ZFHX3: variants seen among roughly 807,000 people sequenced by gnomAD.
ZFHX3 encodes the protein zinc finger homeobox protein 3.
In ZFHX3, 42 loss-of-function variants were observed where a neutral mutation model predicts 279.1. The observed-to-expected ratio is 0.15, with a 90% CI of 0.12 to 0.19. The LOEUF (loss-of-function observed/expected upper bound fraction) is 0.19. Among genes scored for constraint, ZFHX3 ranks in the 10% least tolerant of loss-of-function variants. ZFHX3 has a pLI of 1.00. For missense variants in ZFHX3, 4,981 were observed against 4,754.0 expected (o/e 1.05, Z -1.40); for synonymous variants, 2,293 against 1,957.8 (o/e 1.17, Z -4.52).
At chr16:73,467,262 A>T (rs1229672178) in intron 2 of ZFHX3, among the ~76,000 whole-genome samples, 9 of 152,112 alleles carry the variant, frequency 5.9e-5, no homozygotes, top group Admixed American at 2.0e-4. Context: ...TGGAAGCAAG[A>T]TAGCTCCAAA....
rs79037957 is a variant in ZFHX3 at position 72,797,212 on chromosome 16, G to A, written c.5470C>T (p.Leu1824=). The A allele has an allele frequency of 8.1e-6, 13 of 1,613,894 alleles. No individual in the cohort carries two copies. Among genetic ancestry groups the A allele is most frequent in the Admixed American group, 1.7e-5 (1 of 59,998 alleles). The part of the protein sequence containing the change: ...SLPVTSGALT[L]TGTGPGLLED... ...AGCAGGCCTGGGCCTGTCCCAGTCA[G>A]TGTCAGTGCCCCACTGGTCACTGGC... Residue 1824 remains leucine (L), a synonymous_variant, in exon 9 of 10, where the codon CTG becomes TTG. Coordinates refer to ENST00000268489, the MANE Select transcript of ZFHX3 (RefSeq NM_006885.4).
chr16:73,521,728 T>C (rs1449148519), intron 2 of ZFHX3, among the ~76,000 whole-genome samples: 1 of 151,944 alleles, frequency 6.6e-6, no homozygotes, highest in Non-Finnish European at 1.5e-5. Context: ...ATTTTTTATA[T>C]AGTAGCATTT....
chr16:73,104,819 C>G (rs1219115389), intron 7 of ZFHX3, among the ~76,000 whole-genome samples: 1 of 152,192 alleles, frequency 6.6e-6, no homozygotes, highest in East Asian at 1.9e-4. Flanking sequence ...CTCCTTCAAC[C>G]CCACCATTCT....
At chr16:73,194,906 C>G (rs552799993) in intron 5 of ZFHX3, among the ~76,000 whole-genome samples, 1 of 152,282 alleles carries the variant, frequency 6.6e-6, no homozygotes, top group Non-Finnish European at 1.5e-5. Context: ...ATGAAGAACT[C>G]TCTTAAGTAT....
intron 1 of ZFHX3, among the ~76,000 whole-genome samples, chr16:73,821,743 T>A (rs1259507070): frequency 6.6e-6 from 1 of 152,116 alleles, no homozygotes; most frequent in Non-Finnish European, 1.5e-5. Context: ...AACACATGCA[T>A]CCCTCCTGCA....
chr16:73,587,513 G>T (rs1244339234), intron 2 of ZFHX3, among the ~76,000 whole-genome samples: 1 of 152,108 alleles, frequency 6.6e-6, no homozygotes, highest in East Asian at 1.9e-4. Flanking sequence ...ACCCGCGTTG[G>T]CTGTTACCAG....
chr16:72,900,671 A>G (rs2039012074), intron 3 of ZFHX3, among the ~76,000 whole-genome samples: 1 of 152,172 alleles, frequency 6.6e-6, no homozygotes. Flanking sequence ...TTGAGCGTGC[A>G]TCGGAAGCAC....
In ZFHX3 at chr16:73,574,353, C is replaced by A. The variant is rs148215333; in HGVS notation, c.-1547+105827G>T. ...TTTGTATCATTTCTTGGGCCCCCCC[C>A]AGCATCCACTGAATCAGAGCCTACT... On this transcript the variant is annotated intron_variant, in intron 2 of 17. Transcript: ENST00000641206. Among the ~76,000 whole-genome samples the A allele has an allele frequency of 6.4e-3, 982 of 152,264 alleles. 14 individuals are homozygous for A. Among genetic ancestry groups the A allele is most frequent in the African/African-American group, 0.022 (928 of 41,538 alleles).
chr16:73,057,695 GCA>G (rs2144737252), intron 1 of ZFHX3, among the ~76,000 whole-genome samples: 1 of 151,866 alleles, frequency 6.6e-6, no homozygotes, highest in African/African-American at 2.4e-5. Context: ...AGTGTCCAGG[GCA>G]GAGTCCCCTC....
rs563671322 is a variant in ZFHX3, at chr16:72,944,482, C to T, written c.3216+5987G>A. Among the ~76,000 whole-genome samples, 8 of 152,274 alleles carry T rather than the reference C, an allele frequency of 5.3e-5. No individual in the cohort carries two copies. The South Asian group carries it at 1.0e-3, about 20-fold the overall frequency. On this transcript the variant is annotated intron_variant, in intron 3 of 9. Transcript: ENST00000268489. ...GTAAAGTCAGAAAGTAGACAAAAGA[C>T]ATCCACTTTAAAAATCATTGGAAAA...
At chr16:73,220,903 G>A (rs958469179) in intron 5 of ZFHX3, among the ~76,000 whole-genome samples, 43 of 152,174 alleles carry the variant, frequency 2.8e-4, no homozygotes, top group Non-Finnish European at 6.2e-4. Context: ...GGCGATGGAT[G>A]TTTTTGTGCA....
intron 4 of ZFHX3, among the ~76,000 whole-genome samples, chr16:72,875,741 C>T (rs760330612): frequency 1.3e-5 from 2 of 152,304 alleles, no homozygotes; most frequent in East Asian, 1.9e-4. Context: ...CTGCTTAAAG[C>T]GATGTCTAAA....
chr16:73,720,444 A>T (rs2053463600), intron 1 of ZFHX3, among the ~76,000 whole-genome samples: 2 of 152,260 alleles, frequency 1.3e-5, no homozygotes, highest in Admixed American at 6.5e-5. Flanking sequence ...GCTAACTGTT[A>T]AATGGTGACA....
chr16:72,844,558 G>A (rs959092483), intron 4 of ZFHX3, among the ~76,000 whole-genome samples: 1 of 152,010 alleles, frequency 6.6e-6, no homozygotes, highest in African/African-American at 2.4e-5. Flanking sequence ...AACACACTGG[G>A]GCTCAGGAGT....
chr16:73,228,652 G>T (rs1382456920), intron 5 of ZFHX3, among the ~76,000 whole-genome samples: 1 of 152,170 alleles, frequency 6.6e-6, no homozygotes, highest in Non-Finnish European at 1.5e-5. Flanking sequence ...GACAGAGGGA[G>T]ACCCTGTCTC....
intron 1 of ZFHX3, among the ~76,000 whole-genome samples, chr16:73,884,055 G>A (rs949403782): frequency 6.6e-6 from 1 of 152,142 alleles, no homozygotes; most frequent in Non-Finnish European, 1.5e-5. Flanking sequence ...CACACATAGA[G>A]TAACAGCTTT....
At chr16:73,471,108 T>G (rs1040818897) in intron 2 of ZFHX3, among the ~76,000 whole-genome samples, 1 of 152,212 alleles carries the variant, frequency 6.6e-6, no homozygotes, top group Non-Finnish European at 1.5e-5. Flanking sequence ...TGACATCTAT[T>G]CAGGAATTCA....
intron 5 of ZFHX3, among the ~76,000 whole-genome samples, chr16:73,253,862 G>T (rs1305108573): frequency 6.6e-6 from 1 of 152,072 alleles, no homozygotes. Flanking sequence ...GCCAACAGAG[G>T]GAGAAGGAGT....
At chr16:73,168,271 C>CTTTCTTTA (rs1404128509) in intron 5 of ZFHX3, among the ~76,000 whole-genome samples, 1 of 148,414 alleles carries the variant, frequency 6.7e-6, no homozygotes, top group Non-Finnish European at 1.5e-5. Context: ...TTCTTTCTTT[C>CTTTCTTTA]TTTCTTTCGA....
Sources: allele counts gnomAD v4.1 joint callset (sites outside exome capture counted in the v4.1 genomes callset), GRCh38; gene constraint gnomAD v4.1.1; transcripts MANE v1.5; gene names NCBI Gene and HGNC (gene_info 2026-07-23, HGNC 2026-07-21).